The following USP34 variants were observed in gnomAD, a reference collection of about 807,000 sequenced individuals.
The protein encoded by USP34 is ubiquitin specific peptidase 34, also known as ubiquitin carboxyl-terminal hydrolase 34.
A neutral mutation model predicts 460.3 loss-of-function variants in USP34; 70 were observed. That is an observed-to-expected ratio of 0.15 (90% CI 0.13 to 0.19). The LOEUF (loss-of-function observed/expected upper bound fraction) is 0.19, where lower values mean the gene tolerates loss of function less well. Among genes scored for constraint, USP34 ranks in the 10% least tolerant of loss-of-function variants. USP34 has a pLI of 1.00. For synonymous variants in USP34, 1,647 were observed against 1,405.3 expected (o/e 1.17, Z -3.85); for missense variants, 3,985 against 4,236.2 (o/e 0.94, Z 1.65).
At chr2:61,299,674 C>T (rs1690159311) in intron 29 of USP34, among the ~76,000 whole-genome samples, 1 of 135,498 alleles carries the variant, frequency 7.4e-6, no homozygotes, top group Non-Finnish European at 1.6e-5. Flanking sequence ...TCACTTGAAC[C>T]TGAGAGATCA....
intron 43 of USP34, 93 bp downstream of exon 43, chr2:61,265,304 T>G: frequency 7.3e-7 from 1 of 1,375,570 alleles, no homozygotes; most frequent in Non-Finnish European, 9.9e-7. Context: ...CAAATTATTT[T>G]TTCAAACATT....
At position 61,420,836 on chromosome 2, in the gene USP34, G is replaced by A. The variant is rs1193597476; in HGVS notation, c.44-3C>T. On this transcript the variant is annotated splice_region_variant and splice_polypyrimidine_tract_variant and intron_variant, in intron 1 of 79. Transcript: ENST00000398571. ...ATCACCACCTTCTACATCTGATACT[G>A]AAATAAAAAAGAAATTTTAAAATTA... The A allele has an allele frequency of 2.5e-6, 4 of 1,599,282 alleles. No homozygotes were observed. In the South Asian group the frequency reaches 4.6e-5, roughly 18 times the overall value.
intron 48 of USP34, among the ~76,000 whole-genome samples, chr2:61,251,838 C>T (rs1455296361): frequency 6.6e-6 from 1 of 152,082 alleles, no homozygotes; most frequent in Non-Finnish European, 1.5e-5. Context: ...CCCATTTGGA[C>T]ATTTTTTTCT....
rs139396014 is a variant in USP34, at chr2:61,456,094, T to C, written c.43+14556A>G. Among the ~76,000 whole-genome samples the C allele has an allele frequency of 1.9e-3, 292 of 152,318 alleles. 1 individual carries two copies. The highest frequency in any genetic ancestry group is 2.5e-3 in the Non-Finnish European group (171 of 68,012). On this transcript the variant is annotated intron_variant, in intron 1 of 79. Coordinates refer to ENST00000398571, the MANE Select transcript of USP34 (RefSeq NM_014709.4). ...CAGGAGAATGCTTTACACAAGTGTTTATGTTTTTAAAAAAACAAATATTTA... is the reference window on the plus strand; with the variant it reads ...CAGGAGAATGCTTTACACAAGTGTTCATGTTTTTAAAAAAACAAATATTTA...
chr2:61,377,155 GA>G (rs1265889183), intron 8 of USP34, among the ~76,000 whole-genome samples: 2 of 152,120 alleles, frequency 1.3e-5, no homozygotes, highest in Non-Finnish European at 2.9e-5. Context: ...ACAACTGGGA[GA>G]ATAAGAACTC....
At chr2:61,335,539 G>C (rs1194296694) in intron 18 of USP34, among the ~76,000 whole-genome samples, 1 of 152,118 alleles carries the variant, frequency 6.6e-6, no homozygotes, top group East Asian at 1.9e-4. Flanking sequence ...CTGAGCCCAG[G>C]AGTTTGAGAC....
chr2:61,306,872 G>T (rs577843028), intron 27 of USP34, among the ~76,000 whole-genome samples: 61 of 152,142 alleles, frequency 4.0e-4, no homozygotes, highest in Non-Finnish European at 8.1e-4. Context: ...TGGTGGGACT[G>T]TAAACTAGTT....
chr2:61,395,785 CAAAAA>C (rs541139131), intron 3 of USP34, among the ~76,000 whole-genome samples: 4 of 29,328 alleles, frequency 1.4e-4, no homozygotes, highest in Non-Finnish European at 2.5e-4. Flanking sequence ...GACTCCGTCT[CAAAAA>C]AAAAAAAAAA....
chr2:61,314,057 C>A (rs1001547502), intron 25 of USP34, among the ~76,000 whole-genome samples: 1 of 151,778 alleles, frequency 6.6e-6, no homozygotes, highest in African/African-American at 2.4e-5. Flanking sequence ...CTGTATTACA[C>A]AGGTTATGTC....
intron 10 of USP34, among the ~76,000 whole-genome samples, chr2:61,360,935 T>A (rs2177962): frequency 0.33 from 49,808 of 152,102 alleles, 8,374 homozygotes; most frequent in South Asian, 0.38. Context: ...AGTGCTGGGA[T>A]TAATAGGCGT....
intron 27 of USP34, among the ~76,000 whole-genome samples, chr2:61,303,787 G>A (rs1451737756): frequency 6.6e-6 from 1 of 151,838 alleles, no homozygotes; most frequent in African/African-American, 2.4e-5. Flanking sequence ...TAGTAGAGAT[G>A]GGGTTTCACC....
chr2:61,195,376 A>AAG (rs1428925255), intron 75 of USP34, among the ~76,000 whole-genome samples: 2 of 151,312 alleles, frequency 1.3e-5, no homozygotes, highest in African/African-American at 4.9e-5. Flanking sequence ...TAAAAAAAAA[A>AAG]AAAAAAAATC....
At chr2:61,450,548 G>C (rs1019904092) in intron 1 of USP34, among the ~76,000 whole-genome samples, 20 of 152,014 alleles carry the variant, frequency 1.3e-4, no homozygotes, top group Non-Finnish European at 2.4e-4. Flanking sequence ...GATCACTTGA[G>C]GGCAGGAGTT....
At chr2:61,275,514 C>G (rs1689346824) in intron 41 of USP34, among the ~76,000 whole-genome samples, 1 of 151,454 alleles carries the variant, frequency 6.6e-6, no homozygotes, top group South Asian at 2.1e-4. Context: ...ATCCTAGACA[C>G]CTGGGAGGTT....
At chr2:61,416,289 C>A (rs1351974550) in intron 2 of USP34, among the ~76,000 whole-genome samples, 1 of 152,084 alleles carries the variant, frequency 6.6e-6, no homozygotes, top group Admixed American at 6.6e-5. Context: ...TTCTAAAAAA[C>A]AAAATTTATT....
At chr2:61,225,454 A>T (rs1687699672) in intron 62 of USP34, among the ~76,000 whole-genome samples, 1 of 151,956 alleles carries the variant, frequency 6.6e-6, no homozygotes, top group African/African-American at 2.4e-5. Context: ...TGTGCTTTTG[A>T]TTTTTAGAGA....
intron 70 of USP34, chr2:61,207,935 C>T (rs1235559105): frequency 6.6e-6 from 1 of 152,168 alleles, no homozygotes; most frequent in Non-Finnish European, 1.5e-5. Context: ...AACATCCTAC[C>T]TGTGAATTCT....
chr2:61,331,880 G>T (rs1044907865), intron 19 of USP34, among the ~76,000 whole-genome samples: 1 of 151,912 alleles, frequency 6.6e-6, no homozygotes, highest in African/African-American at 2.4e-5. Flanking sequence ...TACATTCAGA[G>T]ATCCCAGGGT....
intron 41 of USP34, among the ~76,000 whole-genome samples, chr2:61,275,266 C>A (rs1689337710): frequency 6.6e-6 from 1 of 152,016 alleles, no homozygotes; most frequent in Non-Finnish European, 1.5e-5. Context: ...GTGACAGAGC[C>A]AGACCCCGTC....
Sources: allele counts gnomAD v4.1 joint callset (sites outside exome capture counted in the v4.1 genomes callset), GRCh38; gene constraint gnomAD v4.1.1; transcripts MANE v1.5; gene names NCBI Gene and HGNC (gene_info 2026-07-23, HGNC 2026-07-21).